MTF2: variants seen among roughly 807,000 people sequenced by gnomAD.
MTF2 encodes metal-response element-binding transcription factor 2.
In MTF2, 11 loss-of-function variants were observed where a neutral mutation model predicts 79.5. That is an observed-to-expected ratio of 0.14 (90% CI 0.09 to 0.23). MTF2 has a LOEUF of 0.23. Among genes scored for constraint, MTF2 ranks in the 10% least tolerant of loss-of-function variants. The pLI, the probability that MTF2 is intolerant of heterozygous loss-of-function variation, is 1.00. For synonymous variants in MTF2, 208 were observed against 232.8 expected, an observed-to-expected ratio of 0.89 and a Z score of 0.97; for missense variants, 486 against 711.2, an observed-to-expected ratio of 0.68 and a Z score of 3.60.
chr1:93,089,524 A>C (rs1036109109), intron 1 of MTF2, among the ~76,000 whole-genome samples: 4 of 152,182 alleles, frequency 2.6e-5, no homozygotes, highest in African/African-American at 9.7e-5. Flanking sequence ...ATTAGATTGT[A>C]AATTTCTAGA....
Position 93,085,476 on chromosome 1 carries a change from CTTTTTT to C in MTF2, c.5+5959_5+5964del, listed in dbSNP as rs71094225. Reference sequence around the variant, plus strand: ...ACAGGCGTGAGCCACTGCACCCGGCCTTTTTTTTTTTTTTTTTTTCTTCATTAAAAG... The same window carrying C: ...ACAGGCGTGAGCCACTGCACCCGGCCTTTTTTTTTTTTTCTTCATTAAAAG... On this transcript the variant is annotated intron_variant, in intron 1 of 14. Transcript: ENST00000370298. Among the ~76,000 whole-genome samples the C allele has an allele frequency of 5.0e-5, 5 of 99,592 alleles. No individual in the cohort carries two copies. In the South Asian group the frequency reaches 1.9e-3, roughly 37 times the overall value. 65.3% of individuals were successfully genotyped at this position (99,592 alleles called of 152,430 possible).
Position 93,119,408 on chromosome 1 carries a change from G to A in MTF2, c.797+7G>A. The A allele has an allele frequency of 1.3e-6, 2 of 1,576,898 alleles. No homozygotes were observed. The highest frequency in any genetic ancestry group is 1.9e-5 in the Admixed American group (1 of 53,028). On this transcript the variant is annotated splice_region_variant and intron_variant, in intron 8 of 14. Coordinates refer to ENST00000370298, the MANE Select transcript of MTF2 (RefSeq NM_007358.4). ...AACGTCTACCATTACAGTGGTAAGT[G>A]TGGACCTTTCTGTTAAAAGAAAGAA...
At chr1:93,127,351 A>T in intron 10 of MTF2, 52 bp downstream of exon 10, 3 of 1,159,584 alleles carry the variant, frequency 2.6e-6, no homozygotes, top group African/African-American at 1.5e-5. Flanking sequence ...TAGTAAGTAT[A>T]AGGAATAATG....
intron 9 of MTF2, chr1:93,121,748 T>A (rs1656488999): frequency 2.2e-6 from 2 of 924,212 alleles, no homozygotes; most frequent in Admixed American, 6.2e-5. Context: ...AAATACTTTT[T>A]TTTTAGATGA....
chr1:93,112,174 C>G (rs1370903442), intron 3 of MTF2, among the ~76,000 whole-genome samples: 1 of 152,110 alleles, frequency 6.6e-6, no homozygotes, highest in Non-Finnish European at 1.5e-5. Flanking sequence ...AAGGATTGCT[C>G]CTGGTCATTT....
intron 1 of MTF2, among the ~76,000 whole-genome samples, chr1:93,092,131 T>C (rs983715508): frequency 2.6e-5 from 4 of 152,190 alleles, no homozygotes; most frequent in Non-Finnish European, 4.4e-5. Context: ...GAAATTTTTA[T>C]TTTGGCTATA....
intron 1 of MTF2, among the ~76,000 whole-genome samples, chr1:93,088,162 AACGCTGAACTTTCC>A (rs1654927456): frequency 6.6e-6 from 1 of 152,148 alleles, no homozygotes; most frequent in African/African-American, 2.4e-5. Context: ...TTATAATGAC[AACGCTGAACTTTCC>A]AGTTCATCCT....
At chr1:93,082,507 C>T (rs951793840) in intron 1 of MTF2, among the ~76,000 whole-genome samples, 1 of 152,006 alleles carries the variant, frequency 6.6e-6, no homozygotes, top group African/African-American at 2.4e-5. Flanking sequence ...CCAGGCTGGT[C>T]ATGAACTTTT....
intron 1 of MTF2, among the ~76,000 whole-genome samples, chr1:93,105,370 C>T (rs1038328011): frequency 3.9e-5 from 6 of 152,222 alleles, no homozygotes; most frequent in Non-Finnish European, 5.9e-5. Context: ...CCCCCATCCC[C>T]AAGATCCTTG....
intron 6 of MTF2, 130 bp downstream of exon 6, chr1:93,115,748 A>C: frequency 1.6e-6 from 1 of 614,794 alleles, no homozygotes; most frequent in Non-Finnish European, 2.5e-6. Flanking sequence ...ACCAGGGGGA[A>C]AATCTATTAT....
intron 3 of MTF2, among the ~76,000 whole-genome samples, chr1:93,113,591 A>G (rs1244359261): frequency 1.3e-5 from 2 of 152,224 alleles, no homozygotes; most frequent in African/African-American, 4.8e-5. Context: ...AGAAGTTACA[A>G]TTTTGAAATG....
chr1:93,094,439 G>A (rs1028548176), intron 1 of MTF2, among the ~76,000 whole-genome samples: 3 of 152,046 alleles, frequency 2.0e-5, no homozygotes, highest in Non-Finnish European at 4.4e-5. Context: ...TGTGCATTTT[G>A]AGGGTTGTAG....
chr1:93,112,806 A>G (rs1571237118), intron 3 of MTF2, among the ~76,000 whole-genome samples: 4 of 152,218 alleles, frequency 2.6e-5, no homozygotes, highest in Admixed American at 1.3e-4. Flanking sequence ...GGTAAAAAAT[A>G]TATACATATA....
At chr1:93,125,902 C>CT (rs1157505287) in intron 9 of MTF2, among the ~76,000 whole-genome samples, 1 of 151,970 alleles carries the variant, frequency 6.6e-6, no homozygotes, top group Non-Finnish European at 1.5e-5. Flanking sequence ...ATGGAATGGG[C>CT]TTTTTTAGTT....
rs1237936116 is a variant in MTF2, at chr1:93,138,801, G to A, written c.*1774G>A. Reference sequence around the variant, plus strand: ...AGGGGTAATGAAAAATGTAAATCCCGTGTATCCTTATTCACTCCACCTGTA... The same window carrying A: ...AGGGGTAATGAAAAATGTAAATCCCATGTATCCTTATTCACTCCACCTGTA... On this transcript the variant is annotated 3_prime_UTR_variant, in exon 15 of 15. Coordinates refer to ENST00000370298, the MANE Select transcript of MTF2 (RefSeq NM_007358.4). 1.3e-5 allele frequency: 2 copies of A among 152,054 alleles called. No homozygotes were observed. Among genetic ancestry groups the A allele is most frequent in the Non-Finnish European group, 2.9e-5 (2 of 67,994 alleles). The allele number at this position is 152,054 out of a possible 1,614,324, so 9.4% of individuals were successfully genotyped here.
chr1:93,101,030 A>G (rs763413413), intron 1 of MTF2, among the ~76,000 whole-genome samples: 1 of 152,238 alleles, frequency 6.6e-6, no homozygotes. Context: ...AAAGATGGCA[A>G]CTAAGAATTG....
rs765355017 is a variant in MTF2, at chr1:93,118,295, T to C, written c.633-50T>C. 7.4e-6 allele frequency: 9 copies of C among 1,211,732 alleles called. No homozygotes were observed. In the Admixed American group the frequency reaches 1.2e-4, roughly 16 times the overall value. 75.1% of individuals were successfully genotyped at this position (1,211,732 alleles called of 1,614,324 possible). A position where few individuals can be genotyped will look rare whatever the true frequency, so the allele number is the denominator to read the frequency against. On this transcript the variant is annotated intron_variant, in intron 6 of 14. Coordinates refer to ENST00000370298, the MANE Select transcript of MTF2 (RefSeq NM_007358.4). The stretch of plus-strand genomic sequence containing the variant: ...TTTTTTTTTTTAAAGAAATGAACCT[T>C]TCCCTTAAGACAGGAATTTTAGTGT...
chr1:93,103,459 T>C (rs1655631886), intron 1 of MTF2, among the ~76,000 whole-genome samples: 1 of 151,478 alleles, frequency 6.6e-6, no homozygotes, highest in South Asian at 2.1e-4. Flanking sequence ...ATTACATTGT[T>C]CAAGATACAT....
intron 1 of MTF2, among the ~76,000 whole-genome samples, chr1:93,096,698 A>G (rs368806089): frequency 2.6e-5 from 4 of 151,568 alleles, no homozygotes; most frequent in African/African-American, 9.7e-5. Context: ...GCATCCCACA[A>G]GTTTTTAATA....
Sources: allele counts gnomAD v4.1 joint callset (sites outside exome capture counted in the v4.1 genomes callset), GRCh38; gene constraint gnomAD v4.1.1; transcripts MANE v1.5; gene names NCBI Gene and HGNC (gene_info 2026-07-23, HGNC 2026-07-21).